Variants in APBB1 observed in about 807,000 individuals in gnomAD.
APBB1 encodes the protein amyloid beta precursor protein binding family B member 1.
In APBB1, 22 loss-of-function variants were observed where a neutral mutation model predicts 78.4. The ratio of observed to expected loss-of-function variants is 0.28; its 90% CI spans 0.20 to 0.40. APBB1 has a LOEUF of 0.40. Ranked by LOEUF, APBB1 falls within the 10% of genes least tolerant of loss-of-function variation. APBB1 has a pLI of 1.00. For missense variants in APBB1, 749 were observed against 932.4 expected (o/e 0.80, Z 2.56); for synonymous variants, 369 against 372.7 (o/e 0.99, Z 0.12).
rs1313440743 is a variant in APBB1 at position 6,403,415 on chromosome 11, G to A, written c.955-11C>T. The A allele has an allele frequency of 2.5e-6, 4 of 1,614,100 alleles. No individual in the cohort carries two copies. Among genetic ancestry groups the A allele is most frequent in the South Asian group, 1.1e-5 (1 of 91,086 alleles). ...ATCACTGGGTTCATCCTTGGGAAGGGGATTGAGGAATCAGTATCAAAATGA... is the reference window on the plus strand; with the variant it reads ...ATCACTGGGTTCATCCTTGGGAAGGAGATTGAGGAATCAGTATCAAAATGA... On this transcript the variant is annotated splice_polypyrimidine_tract_variant and intron_variant, in intron 4 of 14. Transcript: ENST00000609360. This position sits in a 1 kb window ranked among gnomAD's most constrained non-coding sequence, Gnocchi z 5.3.
Position 6,403,907 on chromosome 11 carries a change from TGGTTGAGAAGGG to T in APBB1, c.722-97_722-86del. On this transcript the variant is annotated intron_variant, in intron 2 of 14. Coordinates refer to ENST00000609360, the MANE Select transcript of APBB1 (RefSeq NM_001164.5). The surrounding 1 kb of genome is among the most constrained non-coding windows in gnomAD (Gnocchi z 5.3). ...ATGCCCGGTCCCCTCTGAGACCCCATGGTTGAGAAGGGGTGGTGGAAGAGCTATACCACAACA... is the reference window on the plus strand; with the variant it reads ...ATGCCCGGTCCCCTCTGAGACCCCATGTGGTGGAAGAGCTATACCACAACA... 1 of 1,425,640 alleles carries T rather than the reference TGGTTGAGAAGGG, an allele frequency of 7.0e-7. No homozygotes were observed. Among genetic ancestry groups the T allele is most frequent in the East Asian group, 2.3e-5 (1 of 42,834 alleles). 88.3% of individuals were successfully genotyped at this position (1,425,640 alleles called of 1,614,324 possible).
intron 12 of APBB1, 32 bp from the exon 13 acceptor site, chr11:6,396,247 G>A (rs1205874160): frequency 7.9e-6 from 12 of 1,526,952 alleles, no homozygotes; most frequent in Admixed American, 2.0e-5. Context: ...TACCACTGAG[G>A]GTAGACAGAG....
chr11:6,403,665 G>A lies in APBB1; in HGVS notation c.879C>T (p.Ser293=), dbSNP rs1187933951. The A allele has an allele frequency of 1.2e-6, 2 of 1,608,704 alleles. No individual in the cohort carries two copies. The highest frequency in any genetic ancestry group is 1.3e-5 in the African/African-American group (1 of 74,974). The part of the protein sequence containing the change: ...PGRASPSQGS[S]PQEESQLTWT... ...GCCTCACCTGGGACTCCTCTTGGGG[G>A]CTGCTCCCCTGTGAGGGGGAGGCCC... is the stretch of plus-strand genomic sequence containing the variant. The change falls in exon 3 of 15, where the codon AGC becomes AGT. Residue 293 remains serine, a synonymous_variant. Transcript: ENST00000609360. The surrounding 1 kb of genome is among the most constrained non-coding windows in gnomAD (Gnocchi z 5.3).
intron 2 of APBB1, chr11:6,405,690 AG>A (rs1164990399): frequency 2.0e-6 from 2 of 985,632 alleles, no homozygotes; most frequent in Non-Finnish European, 1.2e-6. Context: ...CCCAAAGAGG[AG>A]GGGCTCTTGC....
Position 6,403,684 on chromosome 11 carries a change from G to T in APBB1, c.860C>A (p.Ser287Tyr). The T allele has an allele frequency of 6.2e-7, 1 of 1,608,624 alleles. No individual in the cohort carries two copies. The highest frequency in any genetic ancestry group is 8.5e-7 in the Non-Finnish European group (1 of 1,176,676). The change falls in exon 3 of 15, where the codon TCC becomes TAC. Residue 287 changes from serine to tyrosine, a missense_variant. Transcript: ENST00000609360. The surrounding 1 kb of genome is among the most constrained non-coding windows in gnomAD (Gnocchi z 5.3). ...TTGGGGGCTGCTCCCCTGTGAGGGG[G>T]AGGCCCGGCCGGGGGGTTCCCACTG... ...TTQWEPPGRA[S>Y]PSQGSSPQEE...
Position 6,404,875 on chromosome 11 carries a change from TG to T in APBB1, c.722-1054del, listed in dbSNP as rs1848728702. 5.2e-6 allele frequency: 8 copies of T among 1,524,378 alleles called. 1 individual carries two copies. Among genetic ancestry groups the T allele is most frequent in the Non-Finnish European group, 7.0e-6 (8 of 1,141,594 alleles). The allele number at this position is 1,524,378 out of a possible 1,614,324, so 94.4% of individuals were successfully genotyped here. On this transcript the variant is annotated intron_variant, in intron 2 of 14. Transcript: ENST00000609360. ...AGCCCAGCCAGCTGGGCTCACAGCC[TG>T]GTGCTGGGCTGCAGAGAAAAGCTCA...
At chr11:6,397,857 G>T (rs1253976240) in intron 12 of APBB1, among the ~76,000 whole-genome samples, 2 of 152,232 alleles carry the variant, frequency 1.3e-5, no homozygotes, top group Non-Finnish European at 2.9e-5. Flanking sequence ...GGCAACAAGG[G>T]CAAATGCACC....
chr11:6,415,899 C>T (rs908199689), intron 1 of APBB1, among the ~76,000 whole-genome samples: 1 of 152,154 alleles, frequency 6.6e-6, no homozygotes, highest in Non-Finnish European at 1.5e-5. Context: ...CTTGACCTGA[C>T]GCTCCTCCAG....
rs1848587468 is a variant in APBB1 at position 6,402,684 on chromosome 11, C to T, written c.1146G>A (p.Glu382=). Reference sequence around the variant, plus strand: ...TGCTGCGTCCAGGGGCCAGCTCCTCCTCGGTCATCTCTACCCAGCCTAGGG... The same window carrying T: ...TGCTGCGTCCAGGGGCCAGCTCCTCTTCGGTCATCTCTACCCAGCCTAGGG... The part of the protein sequence containing the change: ...VRSLGWVEMT[E]EELAPGRSSV... The change falls in exon 7 of 15, where the codon GAG becomes GAA. Residue 382 remains glutamate, a synonymous_variant. Transcript: ENST00000609360. 6.2e-7 allele frequency: 1 copy of T among 1,614,166 alleles called. No individual in the cohort carries two copies. Among genetic ancestry groups the T allele is most frequent in the Non-Finnish European group, 8.5e-7 (1 of 1,180,030 alleles).
At chr11:6,399,715 C>T (rs1848404014) in intron 12 of APBB1, among the ~76,000 whole-genome samples, 1 of 152,230 alleles carries the variant, frequency 6.6e-6, no homozygotes, top group African/African-American at 2.4e-5. Context: ...CTCTCGGAGA[C>T]TTCAATAACT....
Position 6,410,779 on chromosome 11 carries a change from G to A in APBB1, c.569C>T (p.Pro190Leu), listed in dbSNP as rs140757237. 2.2e-4 allele frequency: 353 copies of A among 1,604,990 alleles called. No homozygotes were observed. In the African/African-American group the frequency reaches 4.3e-3, roughly 20 times the overall value. ...GCCATCTGTAAGGGCTTGGGGCCTG[G>A]GAGGGGCCTCCACACTCTCCAGGGG... is the stretch of plus-strand genomic sequence containing the variant. ...PEPLESVEAP[P>L]RPQALTDGPR... The change falls in exon 2 of 15, where the codon CCC becomes CTC. Residue 190 changes from proline (P) to leucine (L), a missense_variant. Physicochemically the swap from Pro to Leu is moderately conservative, Grantham distance 98 (BLOSUM62 -3). Around this residue, in one of 3 missense-constraint regions of APBB1, gnomAD observed 635 missense variants for 765.0 expected, o/e 0.83. Coordinates refer to ENST00000609360, the MANE Select transcript of APBB1 (RefSeq NM_001164.5).
Position 6,403,710 on chromosome 11 carries a change from G to C in APBB1, c.834C>G (p.Thr278=). 1 of 1,610,494 alleles carries C rather than the reference G, an allele frequency of 6.2e-7. No homozygotes were observed. The highest frequency in any genetic ancestry group is 8.5e-7 in the Non-Finnish European group (1 of 1,177,690). Reference sequence around the variant, plus strand: ...AGGCCCGGCCGGGGGGTTCCCACTGGGTGGTCCCTGTTGGGATGTGCCAGT... The same window carrying C: ...AGGCCCGGCCGGGGGGTTCCCACTGCGTGGTCCCTGTTGGGATGTGCCAGT... ...TYYWHIPTGT[T]QWEPPGRASP... Residue 278 remains threonine (T), a synonymous_variant, in exon 3 of 15, where the codon ACC becomes ACG. Coordinates refer to ENST00000609360, the MANE Select transcript of APBB1 (RefSeq NM_001164.5). This position sits in a 1 kb window ranked among gnomAD's most constrained non-coding sequence, Gnocchi z 5.3.
In APBB1 at chr11:6,401,000, G is replaced by C; in HGVS notation, c.1661C>G (p.Ala554Gly). 1 of 1,614,134 alleles carries C rather than the reference G, an allele frequency of 6.2e-7. No homozygotes were observed. Among genetic ancestry groups the C allele is most frequent in the Non-Finnish European group, 8.5e-7 (1 of 1,179,986 alleles). Reference protein sequence around the residue: ...QVYYLGNVPVAKPVGVDVING... With the variant: ...QVYYLGNVPVGKPVGVDVING... ...AAGGACACACATACCAACAGGTTTAGCAACAGGTACATTCCCCAGGTAATA... is the reference window on the plus strand; with the variant it reads ...AAGGACACACATACCAACAGGTTTACCAACAGGTACATTCCCCAGGTAATA... The change falls in exon 12 of 15, where the codon GCT becomes GGT. Residue 554 changes from alanine (A) to glycine (G), a missense_variant. Ala to Gly is a moderately conservative substitution (Grantham distance 60). Coordinates refer to ENST00000609360, the MANE Select transcript of APBB1 (RefSeq NM_001164.5).
intron 1 of APBB1, among the ~76,000 whole-genome samples, chr11:6,412,005 T>C (rs1590789796): frequency 6.6e-6 from 1 of 152,344 alleles, no homozygotes; most frequent in Admixed American, 6.5e-5. Flanking sequence ...CAGATGAAGC[T>C]ACATCTTGGT....
Position 6,411,077 on chromosome 11 carries a change from C to T in APBB1, c.271G>A (p.Val91Met), listed in dbSNP as rs1271792138. The T allele has an allele frequency of 6.2e-7, 1 of 1,613,742 alleles. No homozygotes were observed. The highest frequency in any genetic ancestry group is 1.1e-5 in the South Asian group (1 of 91,092). ...ATAHRDQNRN[V>M]TLTLAEEASQ... Reference sequence around the variant, plus strand: ...GCCTCCTCCGCCAAGGTCAAGGTCACATTGCGATTCTGGTCACGGTGGGCC... The same window carrying T: ...GCCTCCTCCGCCAAGGTCAAGGTCATATTGCGATTCTGGTCACGGTGGGCC... The change falls in exon 2 of 15, where the codon GTG becomes ATG. Residue 91 changes from valine (V) to methionine (M), a missense_variant. Val to Met is a conservative substitution (Grantham distance 21). This residue lies in a region of APBB1 where 635 missense variants were observed against 765.0 expected (regional missense o/e 0.83). Coordinates refer to ENST00000609360, the MANE Select transcript of APBB1 (RefSeq NM_001164.5). This position sits in a 1 kb window ranked among gnomAD's most constrained non-coding sequence, Gnocchi z 5.2.
chr11:6,405,010 G>T (rs538903358), intron 2 of APBB1: 12 of 1,422,534 alleles, frequency 8.4e-6, no homozygotes, highest in Non-Finnish European at 1.1e-5. Flanking sequence ...CTCCTTGGGG[G>T]GTGGGGAAGG....
At chr11:6,398,396 TACC>T (rs1266222998) in intron 12 of APBB1, among the ~76,000 whole-genome samples, 1 of 152,242 alleles carries the variant, frequency 6.6e-6, no homozygotes, top group Non-Finnish European at 1.5e-5. Context: ...AGGCATTCAT[TACC>T]ACTTGTTAAA....
At chr11:6,409,247 G>T (rs1184098063) in intron 2 of APBB1, among the ~76,000 whole-genome samples, 4 of 151,712 alleles carry the variant, frequency 2.6e-5, no homozygotes, top group African/African-American at 9.7e-5. Flanking sequence ...TAATTTTTTT[G>T]TCTTTTTTAT....
At position 6,403,968 on chromosome 11, in the gene APBB1, C is replaced by G. The variant is rs1482979654; in HGVS notation, c.722-146G>C. 1 of 906,412 alleles carries G rather than the reference C, an allele frequency of 1.1e-6. No individual in the cohort carries two copies. 56.1% of individuals were successfully genotyped at this position (906,412 alleles called of 1,614,324 possible). ...CACAGTTCCTGCTTCTGCCTAGAGC[C>G]TATAGTCTGGAGTCACCACATGTGG... On this transcript the variant is annotated intron_variant, in intron 2 of 14. Coordinates refer to ENST00000609360, the MANE Select transcript of APBB1 (RefSeq NM_001164.5). The surrounding 1 kb of genome is among the most constrained non-coding windows in gnomAD (Gnocchi z 5.3).
Sources: allele counts gnomAD v4.1 joint callset (sites outside exome capture counted in the v4.1 genomes callset), GRCh38; gene constraint gnomAD v4.1.1; regional missense constraint gnomAD v4.1.1; non-coding constraint Gnocchi (gnomAD v3.1); transcripts MANE v1.5; gene names NCBI Gene and HGNC (gene_info 2026-07-23, HGNC 2026-07-21).